CASR: variants seen among roughly 807,000 people sequenced by gnomAD.
The protein encoded by CASR is extracellular calcium-sensing receptor.
A neutral mutation model predicts 69.1 loss-of-function variants in CASR; 23 were observed. The observed-to-expected ratio is 0.33, with a 90% CI of 0.24 to 0.47. The LOEUF is 0.47. CASR is among the 20% of genes least tolerant of loss of function. CASR has a pLI of 1.00. For missense variants in CASR, 924 were observed against 1,356.1 expected (o/e 0.68, Z 5.00); for synonymous variants, 541 against 544.7 (o/e 0.99, Z 0.10).
chr3:122,276,114 C>A, intron 5 of CASR, 72 bp downstream of exon 5: 1 of 991,838 alleles, frequency 1.0e-6, no homozygotes, highest in Non-Finnish European at 1.6e-6. Context: ...TTGGGAGGGC[C>A]TTTGGTTTCC....
At chr3:122,192,766 G>A (rs980575573) in intron 1 of CASR, among the ~76,000 whole-genome samples, 4 of 152,228 alleles carry the variant, frequency 2.6e-5, no homozygotes, top group East Asian at 3.9e-4. Flanking sequence ...CTGATTAAGC[G>A]GGTCTGGAGT....
At chr3:122,274,403 G>A (rs2074792257) in intron 4 of CASR, among the ~76,000 whole-genome samples, 1 of 152,222 alleles carries the variant, frequency 6.6e-6, no homozygotes, top group Admixed American at 6.5e-5. Flanking sequence ...TAAAAATAAA[G>A]TTAATACAGA....
chr3:122,214,133 C>T (rs1403692220), intron 1 of CASR, among the ~76,000 whole-genome samples: 5 of 152,152 alleles, frequency 3.3e-5, no homozygotes, highest in African/African-American at 9.7e-5. Context: ...GTCATTGGCT[C>T]TTTTAGGTTT....
chr3:122,200,753 G>GT (rs1242955054), intron 1 of CASR, among the ~76,000 whole-genome samples: 1 of 152,134 alleles, frequency 6.6e-6, no homozygotes, highest in Non-Finnish European at 1.5e-5. Context: ...ATACCTAGGA[G>GT]TAAAAAACAT....
At chr3:122,272,024 T>C (rs1020778150) in intron 4 of CASR, among the ~76,000 whole-genome samples, 61 of 152,106 alleles carry the variant, frequency 4.0e-4, no homozygotes, top group African/African-American at 1.3e-3. Context: ...TTGTTATGAG[T>C]AATGTTGCTA....
chr3:122,216,689 A>G (rs955199473), intron 1 of CASR, among the ~76,000 whole-genome samples: 1 of 152,228 alleles, frequency 6.6e-6, no homozygotes, highest in Non-Finnish European at 1.5e-5. Flanking sequence ...CCGGGCACAT[A>G]AAAGTGCTCA....
Position 122,286,639 on chromosome 3 carries a change from G to A in CASR, c.*1448G>A, listed in dbSNP as rs34270288. 3.0e-4 allele frequency: 45 copies of A among 152,294 alleles called. No homozygotes were observed. The highest frequency in any genetic ancestry group is 1.0e-3 in the African/African-American group (42 of 41,536). The allele number at this position is 152,294 out of a possible 1,614,324, so 9.4% of individuals were successfully genotyped here. On this transcript the variant is annotated 3_prime_UTR_variant, in exon 7 of 7. Transcript: ENST00000639785. ...CCCAAGAGCTCTGGGCCCAACACAT[G>A]GGGTCAGCCATAGTATCACTGGCTC...
chr3:122,264,874 A>G (rs1354543218), intron 4 of CASR, among the ~76,000 whole-genome samples: 1 of 152,226 alleles, frequency 6.6e-6, no homozygotes, highest in African/African-American at 2.4e-5. Context: ...CATTCTCAAT[A>G]TTAAGATCTA....
At chr3:122,282,299 G>A in intron 6 of CASR, 63 bp downstream of exon 6, 2 of 1,506,848 alleles carry the variant, frequency 1.3e-6, no homozygotes, top group Non-Finnish European at 1.8e-6. Flanking sequence ...TGGGGTCAGT[G>A]AAGCCCATGG....
chr3:122,254,340 C>T lies in CASR; in HGVS notation c.151C>T (p.Leu51Phe), dbSNP rs996249687. ...TGGAGTAGCAGCTAAAGATCAAGAT[C>T]TCAAATCAAGGCCGGAGTCTGTGGA... ...HFGVAAKDQD[L>F]KSRPESVECI... Residue 51 changes from leucine to phenylalanine, a missense_variant, in exon 2 of 7, where the codon CTC becomes TTC. Leu to Phe is a conservative substitution (Grantham distance 22). Coordinates refer to ENST00000639785, the MANE Select transcript of CASR (RefSeq NM_000388.4). 6.2e-7 allele frequency: 1 copy of T among 1,614,036 alleles called. No homozygotes were observed. The highest frequency in any genetic ancestry group is 1.3e-5 in the African/African-American group (1 of 74,904).
rs1336922681 is a variant in CASR, at chr3:122,282,248, C to T, written c.1732+12C>T. 2 of 1,613,846 alleles carry T rather than the reference C, an allele frequency of 1.2e-6. No individual in the cohort carries two copies. Among genetic ancestry groups the T allele is most frequent in the Non-Finnish European group, 1.7e-6 (2 of 1,179,846 alleles). ...TAGTGATGAGACAGGTAAGGGAACC[C>T]CTCTTGGGCACTGTGCAGGGCTTGG... On this transcript the variant is annotated intron_variant, in intron 6 of 6. Transcript: ENST00000639785.
chr3:122,262,780 C>A (rs1317327108), intron 4 of CASR, among the ~76,000 whole-genome samples: 1 of 152,084 alleles, frequency 6.6e-6, no homozygotes, highest in Non-Finnish European at 1.5e-5. Context: ...TTTTGAGTAC[C>A]TATTACATTC....
At chr3:122,276,994 T>C (rs542398318) in intron 5 of CASR, among the ~76,000 whole-genome samples, 1 of 122,680 alleles carries the variant, frequency 8.2e-6, no homozygotes, top group South Asian at 3.3e-4. Flanking sequence ...CCACCACATT[T>C]CTATTTGCAT....
intron 1 of CASR, among the ~76,000 whole-genome samples, chr3:122,224,629 A>G (rs540264993): frequency 2.6e-5 from 4 of 152,218 alleles, no homozygotes; most frequent in Non-Finnish European, 5.9e-5. Flanking sequence ...AAAGCAATTT[A>G]CAGAGTTAAT....
chr3:122,205,920 G>A (rs1425697763), intron 1 of CASR, among the ~76,000 whole-genome samples: 1 of 151,746 alleles, frequency 6.6e-6, no homozygotes, highest in East Asian at 1.9e-4. Context: ...GTTGATTTTT[G>A]TATCCTGCAG....
At chr3:122,265,519 A>G (rs1319609906) in intron 4 of CASR, among the ~76,000 whole-genome samples, 1 of 152,206 alleles carries the variant, frequency 6.6e-6, no homozygotes, top group African/African-American at 2.4e-5. Context: ...TATGTTCAGA[A>G]TGCCTGTCGC....
At chr3:122,240,873 A>G (rs2074373122) in intron 1 of CASR, among the ~76,000 whole-genome samples, 1 of 152,154 alleles carries the variant, frequency 6.6e-6, no homozygotes, top group African/African-American at 2.4e-5. Context: ...ATCAATAACA[A>G]GAGGAAGTTT....
At chr3:122,239,689 G>T (rs369620129) in intron 1 of CASR, among the ~76,000 whole-genome samples, 1 of 152,214 alleles carries the variant, frequency 6.6e-6, no homozygotes, top group Non-Finnish European at 1.5e-5. Flanking sequence ...TTGTGTCACC[G>T]CACCTCCAGC....
chr3:122,225,258 A>G (rs1418351217), intron 1 of CASR, among the ~76,000 whole-genome samples: 2 of 152,134 alleles, frequency 1.3e-5, no homozygotes, highest in African/African-American at 4.8e-5. Context: ...CACAGCAAAC[A>G]AAACTATCAA....
Sources: gnomAD v4.1 joint callset for allele counts (sites outside exome capture counted in the v4.1 genomes callset) on GRCh38, gnomAD v4.1.1 for gene constraint, MANE v1.5 for transcripts, NCBI Gene and HGNC (gene_info 2026-07-23, HGNC 2026-07-21) for gene names.